MCTP1: variants seen among roughly 807,000 people sequenced by gnomAD.
The protein encoded by MCTP1 is multiple C2 and transmembrane domain-containing protein 1.
In MCTP1, 69 loss-of-function variants were observed where a neutral mutation model predicts 120.6. The observed-to-expected ratio is 0.57, with a 90% CI of 0.47 to 0.70. MCTP1 has a LOEUF of 0.70. Ranked by LOEUF, MCTP1 falls within the 30% of genes least tolerant of loss-of-function variation. The pLI, the probability that MCTP1 is intolerant of heterozygous loss-of-function variation, is 0.00. For synonymous variants in MCTP1, 529 were observed against 493.1 expected (o/e 1.07, Z -0.96); for missense variants, 1,203 against 1,248.8 (o/e 0.96, Z 0.55).
chr5:94,782,202 A>G (rs542581621), intron 18 of MCTP1, among the ~76,000 whole-genome samples: 15 of 152,176 alleles, frequency 9.9e-5, no homozygotes, highest in Non-Finnish European at 1.6e-4. Context: ...ATAAAAATAA[A>G]ATAACATCAA....
At chr5:94,971,579 A>G (rs1439855093) in intron 2 of MCTP1, among the ~76,000 whole-genome samples, 2 of 152,186 alleles carry the variant, frequency 1.3e-5, no homozygotes, top group African/African-American at 4.8e-5. Flanking sequence ...TATTCTATAT[A>G]TGCACTTCTT....
At chr5:94,933,810 T>C (rs904587744) in intron 5 of MCTP1, among the ~76,000 whole-genome samples, 1 of 151,894 alleles carries the variant, frequency 6.6e-6, no homozygotes, top group Non-Finnish European at 1.5e-5. Flanking sequence ...AAGGACCACA[T>C]ACAATTAACC....
intron 19 of MCTP1, among the ~76,000 whole-genome samples, chr5:94,774,940 C>T (rs949865143): frequency 6.6e-6 from 1 of 152,158 alleles, no homozygotes; most frequent in African/African-American, 2.4e-5. Flanking sequence ...TCTCATCCCC[C>T]TAACCCCTCA....
At chr5:94,865,059 A>C (rs1250581192) in intron 17 of MCTP1, among the ~76,000 whole-genome samples, 1 of 151,886 alleles carries the variant, frequency 6.6e-6, no homozygotes, top group Non-Finnish European at 1.5e-5. Flanking sequence ...TAAAATTTTA[A>C]AACCGAATGC....
At chr5:95,145,562 T>G (rs976736785) in intron 1 of MCTP1, among the ~76,000 whole-genome samples, 3 of 152,222 alleles carry the variant, frequency 2.0e-5, no homozygotes, top group African/African-American at 7.2e-5. Context: ...TTTTGAGGTA[T>G]GTGTCTTCAA....
At chr5:95,004,558 G>T (rs1398504665) in intron 2 of MCTP1, among the ~76,000 whole-genome samples, 7 of 152,222 alleles carry the variant, frequency 4.6e-5, no homozygotes, top group Admixed American at 4.6e-4. Flanking sequence ...GCTTCTCTGT[G>T]CCACCTCAGG....
At chr5:95,266,214 G>A (rs1758870042) in intron 1 of MCTP1, among the ~76,000 whole-genome samples, 1 of 152,266 alleles carries the variant, frequency 6.6e-6, no homozygotes, top group Non-Finnish European at 1.5e-5. Flanking sequence ...AAATATGCAG[G>A]CCATGGTTGA....
intron 19 of MCTP1, among the ~76,000 whole-genome samples, chr5:94,774,207 C>CAAAAAAAAAAAAAAAA (rs70978130): frequency 2.4e-4 from 1 of 4,182 alleles, no homozygotes; most frequent in Admixed American, 5.7e-3. Context: ...GACTCCGTCT[C>CAAAAAAAAAAAAAAAA]AAAAAAAAAA....
In MCTP1 at chr5:94,706,006, T is replaced by TATC. The variant is rs1754483243; in HGVS notation, c.*1487_*1489dup. On this transcript the variant is annotated 3_prime_UTR_variant, in exon 23 of 23. Transcript: ENST00000515393. ...TTATAAGAAATAGTATTTAACAACT[T>TATC]ATCTCTAAAATAAAAATACTTTAAA... is the stretch of plus-strand genomic sequence containing the variant. 2.0e-5 allele frequency: 3 copies of TATC among 151,724 alleles called. No individual in the cohort carries two copies. Among genetic ancestry groups the TATC allele is most frequent in the African/African-American group, 4.8e-5 (2 of 41,394 alleles). 9.4% of individuals were successfully genotyped at this position (151,724 alleles called of 1,614,324 possible). A position where few individuals can be genotyped will look rare whatever the true frequency, so the allele number is the denominator to read the frequency against.
intron 17 of MCTP1, 23 bp from the exon 18 acceptor site, chr5:94,799,155 G>A (rs1218200150): frequency 1.9e-6 from 3 of 1,603,390 alleles, no homozygotes; most frequent in East Asian, 2.2e-5. Flanking sequence ...GAAGAGAGAA[G>A]AAGGGATGAG....
chr5:95,256,891 A>G (rs1346967336), intron 1 of MCTP1, among the ~76,000 whole-genome samples: 2 of 152,180 alleles, frequency 1.3e-5, no homozygotes, highest in Non-Finnish European at 2.9e-5. Context: ...CTTTAATGAC[A>G]CTGTCTTGTT....
At chr5:94,868,729 T>A (rs1797287472) in intron 16 of MCTP1, among the ~76,000 whole-genome samples, 1 of 150,148 alleles carries the variant, frequency 6.7e-6, no homozygotes, top group South Asian at 2.1e-4. Flanking sequence ...CAGACTAAAA[T>A]TTTTTTTTGT....
chr5:95,113,490 A>C (rs1363023145), intron 1 of MCTP1, among the ~76,000 whole-genome samples: 1 of 152,106 alleles, frequency 6.6e-6, no homozygotes, highest in African/African-American at 2.4e-5. Context: ...GCACACAGAA[A>C]TTGTGAGACA....
rs549892953 is a variant in MCTP1, at chr5:94,859,666, G to T, written c.2436+8667C>A. ...TGACACTCTTTAAGTTTTCAATGTT[G>T]CTGCCTAACTAGAAGAAGAAAATGT... On this transcript the variant is annotated intron_variant, in intron 17 of 22. Transcript: ENST00000515393. 2.0e-5 allele frequency among the ~76,000 whole-genome samples: 3 copies of T among 151,796 alleles called. No individual in the cohort carries two copies. The South Asian group carries it at 6.2e-4, about 31-fold the overall frequency.
intron 1 of MCTP1, among the ~76,000 whole-genome samples, chr5:95,110,933 G>T (rs563637325): frequency 2.0e-5 from 3 of 152,132 alleles, no homozygotes; most frequent in Admixed American, 2.0e-4. Context: ...CCTGGGACTC[G>T]TTATCATGTC....
intron 19 of MCTP1, among the ~76,000 whole-genome samples, chr5:94,767,834 G>T (rs570016070): frequency 6.6e-6 from 1 of 152,220 alleles, no homozygotes; most frequent in African/African-American, 2.4e-5. Flanking sequence ...ACTACACAAA[G>T]CAGTCTACAG....
intron 11 of MCTP1, among the ~76,000 whole-genome samples, chr5:94,889,798 A>G (rs773512586): frequency 1.2e-3 from 172 of 146,746 alleles, no homozygotes; most frequent in Non-Finnish European, 2.3e-3. Context: ...CTATGTGGAT[A>G]ATTGTTGCTA....
intron 17 of MCTP1, among the ~76,000 whole-genome samples, chr5:94,829,386 A>T (rs36732): frequency 1.3e-5 from 2 of 151,972 alleles, no homozygotes; most frequent in African/African-American, 2.4e-5. Flanking sequence ...TCTCGCTGGG[A>T]GCTGCAGACC....
intron 1 of MCTP1, among the ~76,000 whole-genome samples, chr5:95,220,822 A>G (rs1582575227): frequency 6.6e-6 from 1 of 152,236 alleles, no homozygotes; most frequent in East Asian, 1.9e-4. Context: ...TCCTACAAAT[A>G]TACTTTGAGC....
Sources: gnomAD v4.1 joint callset for allele counts (sites outside exome capture counted in the v4.1 genomes callset) on GRCh38, gnomAD v4.1.1 for gene constraint, MANE v1.5 for transcripts, NCBI Gene and HGNC (gene_info 2026-07-23, HGNC 2026-07-21) for gene names.